Variants in ITSN1 observed in about 807,000 individuals in gnomAD.
ITSN1 encodes the protein intersectin 1.
In ITSN1, 58 loss-of-function variants were observed where a neutral mutation model predicts 239.8. That is an observed-to-expected ratio of 0.24 (90% CI 0.20 to 0.30). The LOEUF (loss-of-function observed/expected upper bound fraction) is 0.30, where lower values mean the gene tolerates loss of function less well. Ranked by LOEUF, ITSN1 falls within the 10% of genes least tolerant of loss-of-function variation. The pLI is 1.00. For missense variants in ITSN1, 1,558 were observed against 2,103.3 expected (o/e 0.74, Z 5.07); for synonymous variants, 780 against 770.8 (o/e 1.01, Z -0.20).
intron 1 of ITSN1, among the ~76,000 whole-genome samples, chr21:33,700,670 T>TTGG (rs1236413360): frequency 6.6e-6 from 1 of 151,762 alleles, no homozygotes; most frequent in Non-Finnish European, 1.5e-5. Flanking sequence ...GCAGCGCGGG[T>TTGG]TGGTGGCATC....
Position 33,750,172 on chromosome 21 carries a change from C to T in ITSN1, c.376C>T (p.Leu126Phe), listed in dbSNP as rs773716558. 18 of 1,614,028 alleles carry T rather than the reference C, an allele frequency of 1.1e-5. 1 individual carries two copies. The highest frequency in any genetic ancestry group is 3.3e-4 in the Middle Eastern group (2 of 6,084). ...GMGGIASMPPLTAVAPVPMGS... is the reference protein window; with the variant it reads ...GMGGIASMPPFTAVAPVPMGS... Reference sequence around the variant, plus strand: ...GGGAGGTATCGCCAGCATGCCACCGCTTACAGCTGTTGCTCCAGTGCCAAT... The same window carrying T: ...GGGAGGTATCGCCAGCATGCCACCGTTTACAGCTGTTGCTCCAGTGCCAAT... Residue 126 changes from leucine to phenylalanine, a missense_variant, in exon 6 of 40, where the codon CTT (leucine) becomes TTT (phenylalanine). Physicochemically the swap from Leu to Phe is conservative, Grantham distance 22 (BLOSUM62 0). This residue lies in a region of ITSN1 where 982 missense variants were observed against 1,209.9 expected (regional missense o/e 0.81). Transcript: ENST00000381318.
In ITSN1 at chr21:33,882,419, C is replaced by T; in HGVS notation, c.4518C>T (p.Ser1506=). The change falls in exon 35 of 40, where the codon AGC becomes AGT. Residue 1506 remains serine (S), a synonymous_variant. Coordinates refer to ENST00000381318, the MANE Select transcript of ITSN1 (RefSeq NM_003024.3). This position sits in a 1 kb window ranked among gnomAD's most constrained non-coding sequence, Gnocchi z 4.5. The part of the protein sequence containing the change: ...LGSSGTDKVF[S]PKSNLQYKMY... ...CTTCTGGCACCGACAAAGTCTTCAG[C>T]CCCAAATCAAACCTGCAGTATAAAA... is the stretch of plus-strand genomic sequence containing the variant. The T allele has an allele frequency of 6.2e-7, 1 of 1,614,120 alleles. No homozygotes were observed. Among genetic ancestry groups the T allele is most frequent in the Non-Finnish European group, 8.5e-7 (1 of 1,180,014 alleles).
intron 33 of ITSN1, among the ~76,000 whole-genome samples, chr21:33,874,679 T>G: frequency 7.2e-6 from 1 of 139,092 alleles, no homozygotes. Flanking sequence ...AGACGGAGCC[T>G]CTCTCCGTTG....
At chr21:33,736,813 C>G (rs79350677) in intron 5 of ITSN1, among the ~76,000 whole-genome samples, 10,422 of 152,152 alleles carry the variant, frequency 0.068, 613 homozygotes, top group African/African-American at 0.16. Context: ...AACAAGGCCT[C>G]GTTGCTACTG....
At chr21:33,768,582 A>T (rs1270118240) in intron 11 of ITSN1, among the ~76,000 whole-genome samples, 1 of 152,114 alleles carries the variant, frequency 6.6e-6, no homozygotes, top group African/African-American at 2.4e-5. Context: ...TGCCCAGCTG[A>T]ACCTATTTTA....
intron 31 of ITSN1, among the ~76,000 whole-genome samples, chr21:33,859,384 C>T (rs1219991110): frequency 6.6e-6 from 1 of 152,114 alleles, no homozygotes; most frequent in Non-Finnish European, 1.5e-5. Context: ...GCCTTAGTTT[C>T]CCCATCTGTA....
chr21:33,718,997 T>C lies in ITSN1; in HGVS notation c.28+141T>C. Reference sequence around the variant, plus strand: ...TATTCCATCATATAGTTTCATTAATTATCAACTCATGCCCAATATTGTTTC... The same window carrying C: ...TATTCCATCATATAGTTTCATTAATCATCAACTCATGCCCAATATTGTTTC... On this transcript the variant is annotated intron_variant, in intron 2 of 39. Coordinates refer to ENST00000381318, the MANE Select transcript of ITSN1 (RefSeq NM_003024.3). The C allele has an allele frequency of 1.2e-5, 8 of 682,142 alleles. No homozygotes were observed. The South Asian group carries it at 1.5e-4, about 13-fold the overall frequency. The allele number at this position is 682,142 out of a possible 1,614,324, so 42.3% of individuals were successfully genotyped here.
chr21:33,665,504 G>A (rs1346240988), intron 1 of ITSN1, among the ~76,000 whole-genome samples: 3 of 152,166 alleles, frequency 2.0e-5, no homozygotes, highest in Non-Finnish European at 2.9e-5. Flanking sequence ...TGGTAAGGAT[G>A]TGAAGAAACT....
intron 12 of ITSN1, among the ~76,000 whole-genome samples, chr21:33,773,217 A>G (rs781364677): frequency 8.5e-5 from 13 of 152,086 alleles, no homozygotes; most frequent in Non-Finnish European, 1.6e-4. Flanking sequence ...CATGTTGGTC[A>G]GGCTGATCTC....
Position 33,675,554 on chromosome 21 carries a change from G to A in ITSN1, c.-33+32841G>A, listed in dbSNP as rs146628566. 3.2e-3 allele frequency among the ~76,000 whole-genome samples: 484 copies of A among 152,126 alleles called. 2 individuals are homozygous for A. The highest frequency in any genetic ancestry group is 0.011 in the African/African-American group (460 of 41,500). On this transcript the variant is annotated intron_variant, in intron 1 of 39. Coordinates refer to ENST00000381318, the MANE Select transcript of ITSN1 (RefSeq NM_003024.3). ...TGCACTCCAGCCTGGGCGACAGAGC[G>A]AGACTCTGTCTCAAAAAATAAAAAA...
At chr21:33,698,445 A>T (rs2091887693) in intron 1 of ITSN1, among the ~76,000 whole-genome samples, 1 of 152,256 alleles carries the variant, frequency 6.6e-6, no homozygotes, top group African/African-American at 2.4e-5. Flanking sequence ...TATAATGTGG[A>T]CAATGACCTT....
intron 9 of ITSN1, among the ~76,000 whole-genome samples, chr21:33,763,865 C>T (rs1374942218): frequency 6.6e-6 from 1 of 152,230 alleles, no homozygotes; most frequent in East Asian, 1.9e-4. Flanking sequence ...GTCTACAAGA[C>T]TCACTGCAAA....
chr21:33,850,277 G>A (rs1203454561), intron 29 of ITSN1, among the ~76,000 whole-genome samples: 1 of 152,194 alleles, frequency 6.6e-6, no homozygotes, highest in Non-Finnish European at 1.5e-5. Flanking sequence ...CTGAATGGAA[G>A]CCTCCCGAGG....
rs2065341510 is a variant in ITSN1 at position 33,719,223 on chromosome 21, C to T, written c.28+367C>T. ...TGGGAGGCCGAGGCTGGTGGATCAC[C>T]TGAGGTCTGGAGTTCAAGACCAGCC... On this transcript the variant is annotated intron_variant, in intron 2 of 39. Transcript: ENST00000381318. 3.9e-5 allele frequency among the ~76,000 whole-genome samples: 6 copies of T among 152,072 alleles called. 1 individual carries two copies. Among genetic ancestry groups the T allele is most frequent in the Non-Finnish European group, 5.9e-5 (4 of 68,012 alleles).
intron 19 of ITSN1, among the ~76,000 whole-genome samples, chr21:33,800,763 TC>T (rs1296928856): frequency 2.6e-5 from 4 of 152,078 alleles, no homozygotes; most frequent in Admixed American, 6.5e-5. Flanking sequence ...TTAGAAGTAG[TC>T]AACTCTGCAT....
At chr21:33,790,590 A>G (rs1339936442) in intron 16 of ITSN1, among the ~76,000 whole-genome samples, 1 of 151,600 alleles carries the variant, frequency 6.6e-6, no homozygotes, top group Non-Finnish European at 1.5e-5. Context: ...CTGGTTTTAG[A>G]AAAAAAAATC....
chr21:33,873,708 C>T (rs1983141381), intron 33 of ITSN1, among the ~76,000 whole-genome samples: 2 of 151,962 alleles, frequency 1.3e-5, no homozygotes, highest in African/African-American at 4.8e-5. Context: ...CCCGTCTCCA[C>T]TAAAAATACA....
At chr21:33,766,136 C>A (rs996944169) in intron 10 of ITSN1, 124 bp downstream of exon 10, 6 of 985,352 alleles carry the variant, frequency 6.1e-6, no homozygotes, top group South Asian at 1.6e-5. Context: ...TCCGTGAATT[C>A]TAGAGACTCT....
At chr21:33,718,594 G>A (rs1328495306) in intron 1 of ITSN1, among the ~76,000 whole-genome samples, 2 of 152,106 alleles carry the variant, frequency 1.3e-5, no homozygotes, top group African/African-American at 4.8e-5. Flanking sequence ...TCCATGGGAG[G>A]TCTTGGAACC....
Sources: allele counts gnomAD v4.1 joint callset (sites outside exome capture counted in the v4.1 genomes callset), GRCh38; gene constraint gnomAD v4.1.1; regional missense constraint gnomAD v4.1.1; non-coding constraint Gnocchi (gnomAD v3.1); transcripts MANE v1.5; gene names NCBI Gene and HGNC (gene_info 2026-07-23, HGNC 2026-07-21).